DIS3L2: variants seen among roughly 807,000 people sequenced by gnomAD.
DIS3L2 encodes the protein DIS3-like exonuclease 2.
In DIS3L2, 34 loss-of-function variants were observed where a neutral mutation model predicts 97.5. That is an observed-to-expected ratio of 0.35 (90% CI 0.27 to 0.46). DIS3L2 has a LOEUF of 0.46. DIS3L2 is among the 20% of genes least tolerant of loss of function. DIS3L2 has a pLI of 1.00. For synonymous variants in DIS3L2, 435 were observed against 445.2 expected, an observed-to-expected ratio of 0.98 and a Z score of 0.29; for missense variants, 1,038 against 1,146.0, an observed-to-expected ratio of 0.91 and a Z score of 1.36.
chr2:232,204,253 C>T (rs1421768014), intron 9 of DIS3L2, among the ~76,000 whole-genome samples: 1 of 152,000 alleles, frequency 6.6e-6, no homozygotes, highest in Non-Finnish European at 1.5e-5. Flanking sequence ...GATGTTAATA[C>T]CTTGAGGAGG....
chr2:232,338,188 C>T (rs1471023073), downstream of DIS3L2, among the ~76,000 whole-genome samples: 1 of 152,110 alleles, frequency 6.6e-6, no homozygotes, highest in East Asian at 1.9e-4. Flanking sequence ...CTCCATGCTG[C>T]CCACCCTCTG....
chr2:232,296,675 T>TTC (rs1246654925), intron 13 of DIS3L2, among the ~76,000 whole-genome samples: 2 of 152,222 alleles, frequency 1.3e-5, no homozygotes, highest in Non-Finnish European at 2.9e-5. Flanking sequence ...CTCCTTTGCC[T>TTC]TCCACCATGA....
chr2:232,315,514 G>C (rs1371402591), intron 14 of DIS3L2, among the ~76,000 whole-genome samples: 1 of 152,030 alleles, frequency 6.6e-6, no homozygotes, highest in Admixed American at 6.5e-5. Context: ...GTGGGGTAGT[G>C]TTTCTGATCT....
rs143478872 is a variant in DIS3L2 at position 231,964,088 on chromosome 2, C to T, written c.-94+2323C>T. Among the ~76,000 whole-genome samples, 547 of 152,266 alleles carry T rather than the reference C, an allele frequency of 3.6e-3. 3 individuals carry two copies. The highest frequency in any genetic ancestry group is 0.012 in the African/African-American group (498 of 41,546). ...AATATATACAGTTTTATATCTTCTG[C>T]ATGTGGCTAGTTAGTTATCCCAGCA... On this transcript the variant is annotated intron_variant, in intron 1 of 20. Coordinates refer to ENST00000325385, the MANE Select transcript of DIS3L2 (RefSeq NM_152383.5).
chr2:232,329,785 T>TGCCCGGGGGGCGCCCC, intron 14 of DIS3L2, 28 bp from the exon 15 acceptor site: 1 of 967,144 alleles, frequency 1.0e-6, no homozygotes, highest in Non-Finnish European at 1.5e-6. Flanking sequence ...ACCCCAGCGG[T>TGCCCGGGGGGCGCCCC]CCCTCCCATC....
intron 1 of DIS3L2, among the ~76,000 whole-genome samples, chr2:231,969,129 T>C (rs886311980): frequency 4.6e-5 from 7 of 152,170 alleles, no homozygotes; most frequent in African/African-American, 1.7e-4. Context: ...CTTTCCTTTA[T>C]AAATTACCCA....
At chr2:232,170,549 T>C (rs1690953657) in intron 9 of DIS3L2, among the ~76,000 whole-genome samples, 1 of 152,188 alleles carries the variant, frequency 6.6e-6, no homozygotes, top group Non-Finnish European at 1.5e-5. Flanking sequence ...CACCAGACCA[T>C]TACAAATGTG....
At chr2:232,143,482 TA>T (rs1690123646) in intron 8 of DIS3L2, among the ~76,000 whole-genome samples, 1 of 152,130 alleles carries the variant, frequency 6.6e-6, no homozygotes, top group African/African-American at 2.4e-5. Context: ...ATTATTGAAA[TA>T]TCAAATTAAC....
At chr2:232,224,854 A>AG (rs1303671226) in intron 10 of DIS3L2, among the ~76,000 whole-genome samples, 1 of 151,560 alleles carries the variant, frequency 6.6e-6, no homozygotes, top group Non-Finnish European at 1.5e-5. Flanking sequence ...AAAAAAAAAA[A>AG]GAAAAAAAAT....
intron 14 of DIS3L2, among the ~76,000 whole-genome samples, chr2:232,314,663 A>G (rs1326488193): frequency 1.3e-5 from 2 of 152,268 alleles, no homozygotes; most frequent in South Asian, 2.1e-4. Flanking sequence ...ATAGAGTTAC[A>G]TTAAGCAGCT....
intron 5 of DIS3L2, among the ~76,000 whole-genome samples, chr2:232,080,091 T>A (rs934243037): frequency 6.6e-6 from 1 of 152,212 alleles, no homozygotes; most frequent in Non-Finnish European, 1.5e-5. Context: ...AAAGGTTGTT[T>A]GGGTTTATGT....
At chr2:232,138,206 A>G (rs546498969) in intron 8 of DIS3L2, among the ~76,000 whole-genome samples, 1 of 152,128 alleles carries the variant, frequency 6.6e-6, no homozygotes, top group South Asian at 2.1e-4. Context: ...TTTTTTTTAT[A>G]GCTGAGCCAT....
chr2:232,056,998 C>A (rs1206722533), intron 5 of DIS3L2, among the ~76,000 whole-genome samples: 2 of 151,946 alleles, frequency 1.3e-5, no homozygotes, highest in Non-Finnish European at 2.9e-5. Context: ...ATAAAATAGC[C>A]CCAAACTGGA....
chr2:232,014,403 G>C (rs1033480204), intron 1 of DIS3L2, among the ~76,000 whole-genome samples: 3 of 152,152 alleles, frequency 2.0e-5, no homozygotes, highest in African/African-American at 7.2e-5. Flanking sequence ...TTTCATAGAG[G>C]TATATCATTT....
At chr2:232,309,581 A>G (rs1695069698) in intron 14 of DIS3L2, among the ~76,000 whole-genome samples, 1 of 152,090 alleles carries the variant, frequency 6.6e-6, no homozygotes, top group African/African-American at 2.4e-5. Context: ...GGGCTTAGGT[A>G]GATCCTCCCA....
At chr2:232,294,885 T>C (rs1694686724) in intron 13 of DIS3L2, among the ~76,000 whole-genome samples, 1 of 152,154 alleles carries the variant, frequency 6.6e-6, no homozygotes, top group Non-Finnish European at 1.5e-5. Flanking sequence ...TTAATAAATA[T>C]TAGCTCCATT....
Position 232,263,228 on chromosome 2 carries a change from C to G in DIS3L2, c.1447C>G (p.Arg483Gly), listed in dbSNP as rs186865544. The G allele has an allele frequency of 1.1e-3, 1,848 of 1,614,146 alleles. 2 individuals are homozygous for G. The highest frequency in any genetic ancestry group is 1.4e-3 in the Non-Finnish European group (1,654 of 1,180,028). ...EGKILDEWFG[R>G]TIIRSCTKLS... The stretch of plus-strand genomic sequence containing the variant: ...GCAGATCCTTGATGAATGGTTTGGC[C>G]GGACCATCATCCGCTCCTGCACCAA... Residue 483 changes from arginine to glycine, a missense_variant, in exon 13 of 21, where the codon CGG becomes GGG. Coordinates refer to ENST00000325385, the MANE Select transcript of DIS3L2 (RefSeq NM_152383.5).
intron 9 of DIS3L2, among the ~76,000 whole-genome samples, chr2:232,206,570 A>G (rs1692031700): frequency 6.6e-6 from 1 of 152,166 alleles, no homozygotes; most frequent in African/African-American, 2.4e-5. Flanking sequence ...ACATGCAAAA[A>G]CTGTTCTCAT....
intron 9 of DIS3L2, among the ~76,000 whole-genome samples, chr2:232,182,080 C>T (rs552334253): frequency 1.3e-5 from 2 of 152,314 alleles, no homozygotes; most frequent in African/African-American, 4.8e-5. Flanking sequence ...CTACTCCCTC[C>T]CTACTTCCCT....
Sources: allele counts gnomAD v4.1 joint callset (sites outside exome capture counted in the v4.1 genomes callset), GRCh38; gene constraint gnomAD v4.1.1; transcripts MANE v1.5; gene names NCBI Gene and HGNC (gene_info 2026-07-23, HGNC 2026-07-21).